Variants in TMEM74 observed in about 807,000 individuals in gnomAD.
The protein encoded by TMEM74 is transmembrane protein 74.
Under a neutral mutation model 18.1 loss-of-function variants are expected in TMEM74, and 13 were observed. That is an observed-to-expected ratio of 0.72 (90% CI 0.47 to 1.14). The LOEUF (loss-of-function observed/expected upper bound fraction) is 1.14, where lower values mean the gene tolerates loss of function less well. Ranked by LOEUF, TMEM74 falls within the 50% of genes most tolerant of loss-of-function variation. The probability of loss-of-function intolerance (pLI) is 0.00; values close to 1 mark genes in which losing one functional copy is unlikely to be tolerated. For synonymous variants in TMEM74, 159 were observed against 146.6 expected, an observed-to-expected ratio of 1.08 and a Z score of -0.61; for missense variants, 372 against 375.9, an observed-to-expected ratio of 0.99 and a Z score of 0.09.
intron 1 of TMEM74, among the ~76,000 whole-genome samples, chr8:108,680,666 G>A: frequency 6.6e-6 from 1 of 152,072 alleles, no homozygotes; most frequent in East Asian, 1.9e-4. Flanking sequence ...TTCTGGCCAG[G>A]GCAATTAGGC....
At chr8:108,699,128 T>G (rs1586265497) in intron 1 of TMEM74, among the ~76,000 whole-genome samples, 2 of 64,064 alleles carry the variant, frequency 3.1e-5, no homozygotes, top group Non-Finnish European at 5.7e-5. Flanking sequence ...TCTTGTACCC[T>G]TCCCTCCCCT....
intron 1 of TMEM74, 49 bp from the exon 2 acceptor site, chr8:108,785,186 G>GT: frequency 7.1e-7 from 1 of 1,407,954 alleles, no homozygotes; most frequent in East Asian, 2.3e-5. Flanking sequence ...AGCTAAGGTT[G>GT]TACTTCCAGG....
At chr8:108,632,689 A>G (rs897891805) in intron 2 of TMEM74, among the ~76,000 whole-genome samples, 1 of 152,002 alleles carries the variant, frequency 6.6e-6, no homozygotes, top group African/African-American at 2.4e-5. Flanking sequence ...ACATGTTAAT[A>G]TGTTAGATTA....
intron 2 of TMEM74, among the ~76,000 whole-genome samples, chr8:108,639,835 A>G (rs1397831936): frequency 6.6e-6 from 1 of 152,156 alleles, no homozygotes; most frequent in African/African-American, 2.4e-5. Flanking sequence ...TATTGTCTTC[A>G]GCAGAGAACC....
chr8:108,700,670 A>G lies in TMEM74; in HGVS notation n.120-45233T>C, dbSNP rs931796138. ...TTTCATATACATGGGGCATTTAATC[A>G]TCTTAATCAAAATGAAGTGAATTCG... On this transcript the variant is annotated intron_variant and non_coding_transcript_variant, in intron 1 of 3. Coordinates refer to the TMEM74 transcript ENST00000518838. 1.5e-4 allele frequency among the ~76,000 whole-genome samples: 23 copies of G among 152,302 alleles called. 1 individual carries two copies. The highest frequency in any genetic ancestry group is 2.8e-4 in the Non-Finnish European group (19 of 68,036).
intron 1 of TMEM74, among the ~76,000 whole-genome samples, chr8:108,749,049 T>G (rs1813879530): frequency 6.6e-6 from 1 of 152,196 alleles, no homozygotes; most frequent in African/African-American, 2.4e-5. Context: ...ACTGTAACCC[T>G]CTAGTATCAC....
At chr8:108,724,509 G>A (rs183468034) in intron 1 of TMEM74, among the ~76,000 whole-genome samples, 148 of 152,230 alleles carry the variant, frequency 9.7e-4, no homozygotes, top group Middle Eastern at 3.4e-3. Flanking sequence ...GATAATGGTG[G>A]TAATTAAAGT....
At chr8:108,653,680 A>G (rs1812795285) in intron 2 of TMEM74, among the ~76,000 whole-genome samples, 2 of 152,106 alleles carry the variant, frequency 1.3e-5, no homozygotes, top group Admixed American at 6.5e-5. Context: ...TTAAATAATT[A>G]TCATTATATA....
In TMEM74 at chr8:108,646,724, A is replaced by G. The variant is rs1005177448; in HGVS notation, n.264+8569T>C. Among the ~76,000 whole-genome samples, 3 of 151,796 alleles carry G rather than the reference A, an allele frequency of 2.0e-5. No individual in the cohort carries two copies. In the East Asian group the frequency reaches 5.8e-4, roughly 29 times the overall value. ...ATTGGCATAGAAACACTCTCAAGAT[A>G]TTTAAACATTAGCTAACTTGATTGT... is the stretch of plus-strand genomic sequence containing the variant. On this transcript the variant is annotated intron_variant and non_coding_transcript_variant, in intron 2 of 3. Transcript: ENST00000518838.
chr8:108,623,656 G>C (rs1205763682), intron 2 of TMEM74, among the ~76,000 whole-genome samples: 1 of 152,052 alleles, frequency 6.6e-6, no homozygotes, highest in Non-Finnish European at 1.5e-5. Context: ...AGTGCAAATA[G>C]AGTTTGAAAA....
intron 1 of TMEM74, among the ~76,000 whole-genome samples, chr8:108,754,322 A>ATATTCAATATATATT (rs1156530063): frequency 2.6e-5 from 4 of 152,236 alleles, no homozygotes; most frequent in Admixed American, 6.6e-5. Context: ...TATATTCAAG[A>ATATTCAATATATATT]TAAAAATAAT....
intron 1 of TMEM74, among the ~76,000 whole-genome samples, chr8:108,704,299 C>T (rs894649254): frequency 7.2e-5 from 11 of 152,028 alleles, no homozygotes; most frequent in Admixed American, 5.2e-4. Context: ...TACACATTTC[C>T]CCTCATTTTT....
Position 108,779,934 on chromosome 8 carries a change from G to A in TMEM74, c.*4247C>T, listed in dbSNP as rs935076884. Among the ~76,000 whole-genome samples the A allele has an allele frequency of 6.6e-5, 10 of 152,086 alleles. No homozygotes were observed. Among genetic ancestry groups the A allele is most frequent in the African/African-American group, 2.4e-4 (10 of 41,414 alleles). ...CCAAGACTTATAAAATTTGTGAGAT[G>A]ATAATATAGAATATTATGAACCAAA... is the stretch of plus-strand genomic sequence containing the variant. On this transcript the variant is annotated 3_prime_UTR_variant, in exon 2 of 2. Coordinates refer to ENST00000297459, the MANE Select transcript of TMEM74 (RefSeq NM_153015.3).
At chr8:108,666,558 C>T (rs1397762010) in intron 1 of TMEM74, among the ~76,000 whole-genome samples, 1 of 152,110 alleles carries the variant, frequency 6.6e-6, no homozygotes, top group Non-Finnish European at 1.5e-5. Flanking sequence ...TTCTTTTGCT[C>T]GTGTAATCTA....
intron 1 of TMEM74, among the ~76,000 whole-genome samples, chr8:108,764,587 G>A (rs963375547): frequency 6.6e-6 from 1 of 152,092 alleles, no homozygotes; most frequent in African/African-American, 2.4e-5. Context: ...GCACAAGTTG[G>A]TTTGAGACAA....
chr8:108,727,079 G>A (rs1405086014), intron 1 of TMEM74, among the ~76,000 whole-genome samples: 2 of 152,036 alleles, frequency 1.3e-5, no homozygotes, highest in Non-Finnish European at 2.9e-5. Context: ...AAAAACCAGG[G>A]GGCCATTGTG....
intron 1 of TMEM74, among the ~76,000 whole-genome samples, chr8:108,742,274 A>T (rs1813808709): frequency 6.6e-6 from 1 of 152,208 alleles, no homozygotes; most frequent in South Asian, 2.1e-4. Flanking sequence ...GAATCTTCAC[A>T]TGTACCCCCG....
At chr8:108,660,634 C>T (rs1301041265) in intron 1 of TMEM74, among the ~76,000 whole-genome samples, 1 of 152,052 alleles carries the variant, frequency 6.6e-6, no homozygotes, top group Non-Finnish European at 1.5e-5. Flanking sequence ...CTGTTTAAAC[C>T]TACAGTTAGA....
chr8:108,654,841 A>C (rs1431485435), intron 2 of TMEM74, among the ~76,000 whole-genome samples: 1 of 152,014 alleles, frequency 6.6e-6, no homozygotes, highest in East Asian at 1.9e-4. Flanking sequence ...TTCCTGGTGC[A>C]TGCAGAACTC....
Sources: gnomAD v4.1 joint callset for allele counts (sites outside exome capture counted in the v4.1 genomes callset) on GRCh38, gnomAD v4.1.1 for gene constraint, MANE v1.5 for transcripts, NCBI Gene and HGNC (gene_info 2026-07-23, HGNC 2026-07-21) for gene names.